Variants in IGSF11 observed in about 807,000 individuals in gnomAD.
The protein encoded by IGSF11 is CXADR like 1.
A neutral mutation model predicts 41.0 loss-of-function variants in IGSF11; 22 were observed. That is an observed-to-expected ratio of 0.54 (90% confidence interval 0.38 to 0.77). The LOEUF (loss-of-function observed/expected upper bound fraction) is 0.77. Ranked by LOEUF, IGSF11 falls within the 30% of genes least tolerant of loss-of-function variation. The pLI is 0.00. For missense variants in IGSF11, 444 were observed against 530.8 expected, an observed-to-expected ratio of 0.84 and a Z score of 1.61; for synonymous variants, 219 against 201.3, an observed-to-expected ratio of 1.09 and a Z score of -0.74.
At position 119,105,178 on chromosome 3, in the gene IGSF11, TTC is replaced by T; in HGVS notation, c.13_14del (p.Glu5ThrfsTer10). The T allele has an allele frequency of 6.2e-7, 1 of 1,607,928 alleles. No individual in the cohort carries two copies. The highest frequency in any genetic ancestry group is 8.5e-7 in the Non-Finnish European group (1 of 1,176,070). The stretch of plus-strand genomic sequence containing the variant: ...AAAAGCAGTTCCACCAGAGCAAAAG[TTC>T]CACCAGAGACATTTATTCTTCTTGC... On this transcript the variant is annotated frameshift_variant, in exon 1 of 7. Coordinates refer to the IGSF11 transcript ENST00000354673. LOFTEE classifies it high-confidence loss of function.
intron 1 of IGSF11, among the ~76,000 whole-genome samples, chr3:119,091,551 G>A (rs1413849289): frequency 6.6e-6 from 1 of 152,160 alleles, no homozygotes; most frequent in East Asian, 1.9e-4. Flanking sequence ...AATATCCTTT[G>A]CAGCAACATA....
intron 1 of IGSF11, among the ~76,000 whole-genome samples, chr3:119,033,724 T>C (rs1325264870): frequency 6.6e-6 from 1 of 151,900 alleles, no homozygotes; most frequent in Non-Finnish European, 1.5e-5. Context: ...ATCTCAGCAA[T>C]AAATGGGACA....
Position 119,043,243 on chromosome 3 carries a change from T to C in IGSF11, c.49+61901A>G, listed in dbSNP as rs376733088. 3.3e-5 allele frequency among the ~76,000 whole-genome samples: 5 copies of C among 152,170 alleles called. No individual in the cohort carries two copies. In the East Asian group the frequency reaches 5.8e-4, roughly 18 times the overall value. ...CTCAAAGGGGGTTGCTGTTGCCAGC[T>C]CGAATGCCTGGGTTTATATGCCAAT... is the stretch of plus-strand genomic sequence containing the variant. On this transcript the variant is annotated intron_variant, in intron 1 of 6. Coordinates refer to the IGSF11 transcript ENST00000354673.
intron 1 of IGSF11, among the ~76,000 whole-genome samples, chr3:118,980,695 A>T (rs1369631688): frequency 6.6e-6 from 1 of 152,236 alleles, no homozygotes; most frequent in Admixed American, 6.5e-5. Flanking sequence ...CGTGCCCAAC[A>T]CACAGAAATG....
At position 119,034,641 on chromosome 3, in the gene IGSF11, G is replaced by C. The variant is rs576681103; in HGVS notation, c.-59C>G. On this transcript the variant is annotated 5_prime_UTR_variant, in exon 1 of 7. Coordinates refer to ENST00000393775, the MANE Select transcript of IGSF11 (RefSeq NM_001015887.3). ...CCGGCTCCCGGTCGCAACAGGAGAGGAGCGGGCGTGAGTCTCCGCGCTCTT... is the reference window on the plus strand; with the variant it reads ...CCGGCTCCCGGTCGCAACAGGAGAGCAGCGGGCGTGAGTCTCCGCGCTCTT... 204 of 1,503,930 alleles carry C rather than the reference G, an allele frequency of 1.4e-4. 1 individual carries two copies. In the East Asian group the frequency reaches 3.8e-3, roughly 28 times the overall value. The allele number at this position is 1,503,930 out of a possible 1,614,324, so 93.2% of individuals were successfully genotyped here. A position where few individuals can be genotyped will look rare whatever the true frequency, so the allele number is the denominator to read the frequency against.
At position 119,126,048 on chromosome 3, in the gene IGSF11, C is replaced by T. The variant is rs1037895666; in HGVS notation, c.-14+19765G>A. ...GGGCGACCAGCACCGGCTGCTGCTG[C>T]CTGCTCTCTAAGCTGTTTGAGCTCC... On this transcript the variant is annotated intron_variant, in intron 1 of 7. Coordinates refer to the IGSF11 transcript ENST00000425327. Among the ~76,000 whole-genome samples the T allele has an allele frequency of 2.0e-5, 3 of 152,272 alleles. No homozygotes were observed. The South Asian group carries it at 6.2e-4, about 31-fold the overall frequency.
At chr3:119,125,197 G>A (rs1174386572) in intron 1 of IGSF11, among the ~76,000 whole-genome samples, 6 of 152,186 alleles carry the variant, frequency 3.9e-5, no homozygotes, top group Non-Finnish European at 8.8e-5. Context: ...GAATGTTAAT[G>A]AGCAATAAGA....
intron 1 of IGSF11, among the ~76,000 whole-genome samples, chr3:119,074,447 C>T (rs1277340823): frequency 6.6e-6 from 1 of 151,910 alleles, no homozygotes; most frequent in East Asian, 1.9e-4. Flanking sequence ...CAGAAATCAA[C>T]AAATTCTTTG....
intron 1 of IGSF11, among the ~76,000 whole-genome samples, chr3:119,099,500 A>T (rs1272149072): frequency 6.6e-6 from 1 of 152,226 alleles, no homozygotes; most frequent in Non-Finnish European, 1.5e-5. Flanking sequence ...TAAATGGTAG[A>T]TGAATGAGCT....
At chr3:119,073,820 G>C (rs550183606) in intron 1 of IGSF11, among the ~76,000 whole-genome samples, 1 of 152,148 alleles carries the variant, frequency 6.6e-6, no homozygotes, top group African/African-American at 2.4e-5. Context: ...GCTGGCTCCC[G>C]CCTCAGCCAG....
chr3:119,004,958 T>C (rs1937334258), intron 1 of IGSF11, among the ~76,000 whole-genome samples: 1 of 151,246 alleles, frequency 6.6e-6, no homozygotes, highest in South Asian at 2.1e-4. Flanking sequence ...GGGTGGAGAG[T>C]TCTGTAGATG....
intron 1 of IGSF11, among the ~76,000 whole-genome samples, chr3:119,115,812 C>G (rs948684113): frequency 2.6e-5 from 4 of 152,066 alleles, no homozygotes; most frequent in African/African-American, 9.7e-5. Flanking sequence ...TCTATATAAT[C>G]TTCTAAAATG....
intron 1 of IGSF11, among the ~76,000 whole-genome samples, chr3:118,973,762 C>A (rs1341972245): frequency 1.3e-5 from 2 of 152,122 alleles, no homozygotes; most frequent in African/African-American, 4.8e-5. Flanking sequence ...CAAACAAGAG[C>A]AATCATATGT....
At chr3:119,141,596 AGATT>A (rs150991046) in intron 1 of IGSF11, among the ~76,000 whole-genome samples, 89 of 149,580 alleles carry the variant, frequency 5.9e-4, no homozygotes, top group African/African-American at 1.9e-3. Flanking sequence ...ATTACAATAT[AGATT>A]ATCTATATTA....
At chr3:118,989,141 A>C (rs1308387506) in intron 1 of IGSF11, among the ~76,000 whole-genome samples, 1 of 152,216 alleles carries the variant, frequency 6.6e-6, no homozygotes, top group African/African-American at 2.4e-5. Flanking sequence ...GGAAGACAAA[A>C]CACAAGATCA....
At chr3:118,946,374 T>A (rs1944141408) in intron 1 of IGSF11, among the ~76,000 whole-genome samples, 1 of 151,808 alleles carries the variant, frequency 6.6e-6, no homozygotes. Context: ...AATTTTTCTA[T>A]AGCACTTATA....
intron 1 of IGSF11, among the ~76,000 whole-genome samples, chr3:119,022,655 C>CTACA (rs985012872): frequency 1.3e-5 from 2 of 152,006 alleles, no homozygotes; most frequent in Non-Finnish European, 2.9e-5. Flanking sequence ...TACAAAACAC[C>CTACA]TACATACATA....
chr3:119,076,001 C>A (rs1016188340), intron 1 of IGSF11, among the ~76,000 whole-genome samples: 1 of 152,174 alleles, frequency 6.6e-6, no homozygotes, highest in Non-Finnish European at 1.5e-5. Context: ...CGCTACCTGA[C>A]TTCAAACTAT....
chr3:118,941,748 C>T (rs564149743), intron 1 of IGSF11, among the ~76,000 whole-genome samples: 43 of 152,148 alleles, frequency 2.8e-4, no homozygotes, highest in Middle Eastern at 3.4e-3. Flanking sequence ...ATGGATAAAA[C>T]AATTGTGACA....
Sources: gnomAD v4.1 joint callset for allele counts (sites outside exome capture counted in the v4.1 genomes callset) on GRCh38, gnomAD v4.1.1 for gene constraint, MANE v1.5 for transcripts, NCBI Gene and HGNC (gene_info 2026-07-23, HGNC 2026-07-21) for gene names.